COPG2: variants seen among roughly 807,000 people sequenced by gnomAD.
COPG2 encodes the protein coat protein complex I subunit gamma 2, also known as coatomer subunit gamma-2.
A neutral mutation model predicts 46.3 loss-of-function variants in COPG2; 37 were observed. The observed-to-expected ratio is 0.80, with a 90% CI of 0.61 to 1.05. COPG2 has a LOEUF of 1.05. COPG2 is among the 50% of genes least tolerant of loss of function. The pLI is 0.00. For synonymous variants in COPG2, 159 were observed against 129.7 expected (o/e 1.23, Z -1.53); for missense variants, 427 against 387.8 (o/e 1.10, Z -0.85).
At chr7:130,662,085 C>T (rs1795991586) in intron 4 of COPG2, among the ~76,000 whole-genome samples, 1 of 152,158 alleles carries the variant, frequency 6.6e-6, no homozygotes, top group African/African-American at 2.4e-5. Context: ...ACCCCGAACT[C>T]CTAAATTCTG....
Position 130,666,858 on chromosome 7 carries a change from T to C in COPG2, c.162A>G (p.Leu54=). The change falls in exon 3 of 24, where the codon TTA becomes TTG. Residue 54 remains leucine, a synonymous_variant. Transcript: ENST00000425248. ...CLHILTKILY[L]LNQGEHFGTT... ...AATAAAAATAATATACCTGGTTCAG[T>C]AAGTAAAGAATCTTTGTAAGAATAT... 1.4e-6 allele frequency: 2 copies of C among 1,463,540 alleles called. No individual in the cohort carries two copies. The highest frequency in any genetic ancestry group is 1.2e-5 in the South Asian group (1 of 83,512). 90.7% of individuals were successfully genotyped at this position (1,463,540 alleles called of 1,614,324 possible).
Position 130,579,320 on chromosome 7 carries a change from G to A in COPG2, c.738-14927C>T, listed in dbSNP as rs1458682580. On this transcript the variant is annotated intron_variant, in intron 9 of 23. Coordinates refer to ENST00000425248, the MANE Select transcript of COPG2 (RefSeq NM_012133.6). The stretch of plus-strand genomic sequence containing the variant: ...TGCTGAGAGATTTTGTCACCACCAG[G>A]CCTGCCCTAAAAGAGCTCCTGAAGG... Among the ~76,000 whole-genome samples, 4 of 147,084 alleles carry A rather than the reference G, an allele frequency of 2.7e-5. No individual in the cohort carries two copies. The East Asian group carries it at 7.9e-4, about 29-fold the overall frequency.
chr7:130,602,044 A>AT (rs1554450399), intron 9 of COPG2, among the ~76,000 whole-genome samples: 1 of 152,190 alleles, frequency 6.6e-6, no homozygotes, highest in Non-Finnish European at 1.5e-5. Flanking sequence ...CAACGACTTG[A>AT]TTATAAACTC....
intron 20 of COPG2, among the ~76,000 whole-genome samples, chr7:130,519,321 T>C (rs1170285611): frequency 1.3e-5 from 2 of 152,044 alleles, no homozygotes; most frequent in Non-Finnish European, 2.9e-5. Context: ...TTTGAAGCAA[T>C]TGGTGGAGTC....
At chr7:130,654,709 C>A (rs1195714980) in intron 4 of COPG2, among the ~76,000 whole-genome samples, 2 of 152,044 alleles carry the variant, frequency 1.3e-5, no homozygotes, top group Non-Finnish European at 2.9e-5. Context: ...TGAATATAAA[C>A]AATAAAAAAA....
At position 130,659,262 on chromosome 7, in the gene COPG2, G is replaced by A. The variant is rs573025430; in HGVS notation, c.243+3705C>T. On this transcript the variant is annotated intron_variant, in intron 4 of 23. Transcript: ENST00000425248. Reference sequence around the variant, plus strand: ...CCCAGCTACTCAGGAGGCTGAGGCAGGAGAATGGCGTGAACCTGGGAGGCA... The same window carrying A: ...CCCAGCTACTCAGGAGGCTGAGGCAAGAGAATGGCGTGAACCTGGGAGGCA... Among the ~76,000 whole-genome samples the A allele has an allele frequency of 2.7e-5, 4 of 145,750 alleles. No individual in the cohort carries two copies. In the South Asian group the frequency reaches 6.6e-4, roughly 24 times the overall value.
chr7:130,556,465 A>G (rs1793624044), intron 12 of COPG2, among the ~76,000 whole-genome samples: 1 of 152,196 alleles, frequency 6.6e-6, no homozygotes, highest in Non-Finnish European at 1.5e-5. Context: ...TTGTCTACCA[A>G]CAATCGGATA....
chr7:130,657,686 T>G lies in COPG2; in HGVS notation c.244-4738A>C, dbSNP rs138604438. On this transcript the variant is annotated intron_variant, in intron 4 of 23. Transcript: ENST00000425248. The stretch of plus-strand genomic sequence containing the variant: ...ATAAAGACCTCTTAAAACTCAATAA[T>G]AAGAAAATAAACAATCCAATTTTTT... 4.8e-3 allele frequency among the ~76,000 whole-genome samples: 725 copies of G among 152,112 alleles called. 4 individuals carry two copies. The highest frequency in any genetic ancestry group is 6.6e-3 in the Non-Finnish European group (447 of 67,950).
intron 20 of COPG2, chr7:130,509,027 CCAAAAAAAAAA>C (rs1799551538): frequency 2.2e-6 from 1 of 446,838 alleles, no homozygotes; most frequent in Admixed American, 2.6e-5. Flanking sequence ...TAGGACCTGA[CCAAAAAAAAAA>C]ACAAAAAAAA....
Position 130,563,314 on chromosome 7 carries a change from A to C in COPG2, c.894T>G (p.Ser298=), listed in dbSNP as rs1383378178. The change falls in exon 11 of 24, where the codon TCT becomes TCG. Residue 298 remains serine, a synonymous_variant. Transcript: ENST00000425248. The part of the protein sequence containing the change: ...AVSVLQLFCS[S]PKPALRYAAV... ...CTGCATATCTCAAGGCTGGCTTAGGAGAACTACAGAAAAGTTGAAGAACTA... is the reference window on the plus strand; with the variant it reads ...CTGCATATCTCAAGGCTGGCTTAGGCGAACTACAGAAAAGTTGAAGAACTA... 7.5e-6 allele frequency: 3 copies of C among 398,080 alleles called. No individual in the cohort carries two copies. The highest frequency in any genetic ancestry group is 6.2e-5 in the African/African-American group (3 of 48,586). The allele number at this position is 398,080 out of a possible 1,614,324, so 24.7% of individuals were successfully genotyped here.
At chr7:130,666,824 T>C (rs1796088276) in intron 3 of COPG2, 25 bp downstream of exon 3, 2 of 1,052,776 alleles carry the variant, frequency 1.9e-6, no homozygotes, top group Non-Finnish European at 2.9e-6. Flanking sequence ...GACACACTTA[T>C]CTGAGGAAAA....
chr7:130,528,197 AGAGG>A (rs1799791849), intron 20 of COPG2, among the ~76,000 whole-genome samples: 2 of 151,964 alleles, frequency 1.3e-5, no homozygotes, highest in East Asian at 3.9e-4. Flanking sequence ...ATGTGGGGGA[AGAGG>A]GTGGGCAGGT....
intron 4 of COPG2, among the ~76,000 whole-genome samples, chr7:130,654,245 AC>A (rs1463936741): frequency 6.6e-6 from 1 of 152,270 alleles, no homozygotes; most frequent in Non-Finnish European, 1.5e-5. Flanking sequence ...TAAAATCAGA[AC>A]AAAAATTTTA....
intron 9 of COPG2, among the ~76,000 whole-genome samples, chr7:130,594,427 G>A (rs1554449445): frequency 6.6e-6 from 1 of 152,166 alleles, no homozygotes; most frequent in Non-Finnish European, 1.5e-5. Flanking sequence ...GAAAACAGGT[G>A]TAAATCTTTG....
intron 5 of COPG2, among the ~76,000 whole-genome samples, chr7:130,618,228 CAAGAG>C (rs1794983303): frequency 6.6e-6 from 1 of 151,622 alleles, no homozygotes; most frequent in Non-Finnish European, 1.5e-5. Flanking sequence ...TCCGGATTTC[CAAGAG>C]GATCTATGAA....
intron 20 of COPG2, 63 bp downstream of exon 20, chr7:130,547,611 T>G (rs1257183866): frequency 7.5e-6 from 3 of 398,228 alleles, no homozygotes; most frequent in South Asian, 1.3e-4. Context: ...ATTTGAAGAG[T>G]TGAAGAGCTC....
At chr7:130,668,473 C>T (rs1796145450) in intron 1 of COPG2, among the ~76,000 whole-genome samples, 159 bp downstream of exon 1, 1 of 149,406 alleles carries the variant, frequency 6.7e-6, no homozygotes, top group Non-Finnish European at 1.5e-5. Context: ...GGGCAGGCCC[C>T]GGGCAGCCGC....
chr7:130,560,549 G>A (rs36138252), intron 12 of COPG2, among the ~76,000 whole-genome samples: 54,234 of 151,912 alleles, frequency 0.36, 11,307 homozygotes, highest in African/African-American at 0.58. Flanking sequence ...TTGGAAGACC[G>A]CACTACTTAA....
chr7:130,535,031 G>A (rs989179760), intron 20 of COPG2, among the ~76,000 whole-genome samples: 3 of 152,170 alleles, frequency 2.0e-5, no homozygotes, highest in African/African-American at 4.8e-5. Context: ...AGATCCGGAG[G>A]AGCAATAGAA....
Sources: allele counts gnomAD v4.1 joint callset (sites outside exome capture counted in the v4.1 genomes callset), GRCh38; gene constraint gnomAD v4.1.1; transcripts MANE v1.5; gene names NCBI Gene and HGNC (gene_info 2026-07-23, HGNC 2026-07-21).